TTC34: variants seen among roughly 807,000 people sequenced by gnomAD.
TTC34 encodes the protein tetratricopeptide repeat domain 34, also known as tetratricopeptide repeat protein 34.
Under a neutral mutation model 40.7 loss-of-function variants are expected in TTC34, and 44 were observed. The ratio of observed to expected loss-of-function variants is 1.08; its 90% CI spans 0.85 to 1.39. TTC34 has a LOEUF of 1.39. Ranked by LOEUF, TTC34 falls within the 40% of genes most tolerant of loss-of-function variation. TTC34 has a pLI of 0.00. For synonymous variants in TTC34, 422 were observed against 398.6 expected, an observed-to-expected ratio of 1.06 and a Z score of -0.70; for missense variants, 884 against 838.0, an observed-to-expected ratio of 1.05 and a Z score of -0.68.
At chr1:2,684,592 C>T (rs1451880619) in intron 6 of TTC34, among the ~76,000 whole-genome samples, 2 of 136,504 alleles carry the variant, frequency 1.5e-5, no homozygotes, top group Non-Finnish European at 3.1e-5. Flanking sequence ...GAGCAACACC[C>T]ATACCCCCAG....
intron 6 of TTC34, among the ~76,000 whole-genome samples, chr1:2,656,185 G>T (rs1446275402): frequency 4.0e-5 from 6 of 150,870 alleles, no homozygotes. Flanking sequence ...GCCCAGGTGA[G>T]CCTCTGACAG....
In TTC34 at chr1:2,750,926, C is replaced by A. The variant is rs1351018775; in HGVS notation, c.2226+32683G>T. 3.0e-5 allele frequency among the ~76,000 whole-genome samples: 3 copies of A among 101,446 alleles called. 1 individual carries two copies. The highest frequency in any genetic ancestry group is 9.4e-5 in the African/African-American group (2 of 21,238). 66.6% of individuals were successfully genotyped at this position (101,446 alleles called of 152,430 possible). A position where few individuals can be genotyped will look rare whatever the true frequency, so the allele number is the denominator to read the frequency against. ...CTGAACGCACGGAGCAGCACCCACACCTTCAGGCGAGCATCGGACAGCCTG... is the reference window on the plus strand; with the variant it reads ...CTGAACGCACGGAGCAGCACCCACAACTTCAGGCGAGCATCGGACAGCCTG... On this transcript the variant is annotated intron_variant, in intron 6 of 8. Coordinates refer to ENST00000401095, the Ensembl canonical transcript of TTC34.
rs2377041 is a variant in TTC34 at position 2,796,762 on chromosome 1, C to T, written c.784+3282G>A. ...GGTCCCCTCCTTCCTCAGAAGCTCA[C>T]GATTCGGTGTGACTTTGTTGATCAT... On this transcript the variant is annotated intron_variant, in intron 2 of 8. Coordinates refer to ENST00000401095, the Ensembl canonical transcript of TTC34. This position sits in a 1 kb window ranked among gnomAD's most constrained non-coding sequence, Gnocchi z 4.5. 0.36 allele frequency among the ~76,000 whole-genome samples: 54,301 copies of T among 152,008 alleles called. 10,608 individuals are homozygous for T. Among genetic ancestry groups the T allele is most frequent in the Non-Finnish European group, 0.44 (29,945 of 67,964 alleles).
At chr1:2,788,065 C>T (rs534888735) in intron 3 of TTC34, among the ~76,000 whole-genome samples, 1 of 152,370 alleles carries the variant, frequency 6.6e-6, no homozygotes, top group South Asian at 2.1e-4. Context: ...CAAGAAAACA[C>T]ATGGCTGCAC....
chr1:2,645,156 T>C lies in TTC34; in HGVS notation c.2497+137A>G, dbSNP rs750119903. 14 of 1,050,230 alleles carry C rather than the reference T, an allele frequency of 1.3e-5. No individual in the cohort carries two copies. The highest frequency in any genetic ancestry group is 1.8e-5 in the Non-Finnish European group (14 of 786,500). 65.1% of individuals were successfully genotyped at this position (1,050,230 alleles called of 1,614,324 possible). On this transcript the variant is annotated intron_variant, in intron 7 of 8. Coordinates refer to ENST00000401095, the Ensembl canonical transcript of TTC34. This position sits in a 1 kb window ranked among gnomAD's most constrained non-coding sequence, Gnocchi z 4.7. The stretch of plus-strand genomic sequence containing the variant: ...GGGAGCAGGGCCAGAGGTCATGGGA[T>C]TTGGGGTGGAAGGGACCTTGGAAGC...
At chr1:2,785,674 C>T (rs1188512008) in intron 5 of TTC34, 145 bp downstream of exon 5, 2 of 906,640 alleles carry the variant, frequency 2.2e-6, no homozygotes, top group Non-Finnish European at 3.2e-6. Context: ...GCGAGTGGCC[C>T]TTGCCCTGTC....
At chr1:2,749,063 C>T (rs1382575595) in intron 6 of TTC34, among the ~76,000 whole-genome samples, 124 of 134,700 alleles carry the variant, frequency 9.2e-4, no homozygotes, top group African/African-American at 3.0e-3. Flanking sequence ...AATCCGACAG[C>T]CTGGAGCAGC....
At chr1:2,664,960 A>C (rs147299058) in intron 6 of TTC34, among the ~76,000 whole-genome samples, 10 of 10 alleles carry the variant, frequency 1, 5 homozygotes, top group Non-Finnish European at 1. Flanking sequence ...TGGAGCAGCA[A>C]CCACACTCCC....
At position 2,786,515 on chromosome 1, in the gene TTC34, G is replaced by T. The variant is rs191468056; in HGVS notation, c.1855-492C>A. Among the ~76,000 whole-genome samples the T allele has an allele frequency of 7.9e-5, 12 of 152,338 alleles. No individual in the cohort carries two copies. In the East Asian group the frequency reaches 1.9e-3, roughly 25 times the overall value. Reference sequence around the variant, plus strand: ...GCTGCAGTCTGAGCCGCATCTGTCTGCTGATGGCATTGGTGGGCTGGGACT... The same window carrying T: ...GCTGCAGTCTGAGCCGCATCTGTCTTCTGATGGCATTGGTGGGCTGGGACT... On this transcript the variant is annotated intron_variant, in intron 4 of 8. Transcript: ENST00000401095.
chr1:2,755,196 T>C (rs1317754236), intron 6 of TTC34, among the ~76,000 whole-genome samples: 6 of 44,020 alleles, frequency 1.4e-4, no homozygotes, highest in Non-Finnish European at 1.8e-4. Context: ...GGCGAGCATC[T>C]GACAGCCTGG....
intron 6 of TTC34, among the ~76,000 whole-genome samples, chr1:2,695,657 C>T (rs1163203730): frequency 1.0e-5 from 1 of 99,594 alleles, no homozygotes; most frequent in Non-Finnish European, 2.1e-5. Flanking sequence ...CATCTGACCG[C>T]CTGGAACAGC....
intron 6 of TTC34, among the ~76,000 whole-genome samples, chr1:2,751,437 GAGCC>G (rs1641315822): frequency 1.1e-5 from 1 of 91,490 alleles, no homozygotes; most frequent in African/African-American, 5.1e-5. Flanking sequence ...GCCTGGAACA[GAGCC>G]CAGACCCCCA....
chr1:2,651,886 T>G (rs994334767), intron 6 of TTC34, among the ~76,000 whole-genome samples: 1 of 151,564 alleles, frequency 6.6e-6, no homozygotes, highest in Non-Finnish European at 1.5e-5. Flanking sequence ...ACTCACGATT[T>G]TGGGTGAGCA....
At chr1:2,656,413 C>A (rs1233066383) in intron 6 of TTC34, among the ~76,000 whole-genome samples, 2 of 36,014 alleles carry the variant, frequency 5.6e-5, no homozygotes, top group Non-Finnish European at 9.7e-5. Context: ...ACAGCACCCA[C>A]ACCCCCAGGT....
At position 2,792,033 on chromosome 1, in the gene TTC34, T is replaced by TTTTTTTTTTTTTTTTTA. The variant is rs1553171534; in HGVS notation, c.785-1688_785-1687insTAAAAAAAAAAAAAAAA. Among the ~76,000 whole-genome samples the TTTTTTTTTTTTTTTTTA allele has an allele frequency of 3.2e-4, 34 of 107,158 alleles. 5 individuals carry two copies. The highest frequency in any genetic ancestry group is 2.9e-3 in the East Asian group (10 of 3,476). The allele number at this position is 107,158 out of a possible 152,430, so 70.3% of individuals were successfully genotyped here. On this transcript the variant is annotated intron_variant, in intron 2 of 8. Transcript: ENST00000401095. ...TTTTTTTTTTTTTTTTTTTTTTTTT[T>TTTTTTTTTTTTTTTTTA]AAAGACAGGGTCTTGCTCCATCACC...
chr1:2,753,310 C>G (rs1294414919), intron 6 of TTC34, among the ~76,000 whole-genome samples: 187 of 111,790 alleles, frequency 1.7e-3, no homozygotes, highest in African/African-American at 2.4e-3. Flanking sequence ...AGGTGAGCAT[C>G]CGACAGCCTG....
Position 2,675,167 on chromosome 1 carries a change from G to T in TTC34, c.2227-29604C>A, listed in dbSNP as rs1356563095. Among the ~76,000 whole-genome samples the T allele has an allele frequency of 1.1e-3, 154 of 140,446 alleles. 1 individual carries two copies. Among genetic ancestry groups the T allele is most frequent in the African/African-American group, 2.1e-3 (80 of 38,010 alleles). The allele number at this position is 140,446 out of a possible 152,430, so 92.1% of individuals were successfully genotyped here. On this transcript the variant is annotated intron_variant, in intron 6 of 8. Transcript: ENST00000401095. The stretch of plus-strand genomic sequence containing the variant: ...CCCGTAGCAGCACCCACACCCCCAG[G>T]GGAGCATCTGACATCCTGGAGCAGC...
At chr1:2,750,993 A>G (rs1380565500) in intron 6 of TTC34, among the ~76,000 whole-genome samples, 1 of 113,562 alleles carries the variant, frequency 8.8e-6, no homozygotes, top group Admixed American at 9.1e-5. Context: ...GATGGTCTGG[A>G]GCAGCACCCA....
chr1:2,762,084 C>T (rs1399965223), intron 6 of TTC34, among the ~76,000 whole-genome samples: 1 of 62,398 alleles, frequency 1.6e-5, no homozygotes, highest in Admixed American at 1.5e-4. Context: ...TGGAGCAGCA[C>T]ACACAACCCC....
Sources: allele counts gnomAD v4.1 joint callset (sites outside exome capture counted in the v4.1 genomes callset), GRCh38; gene constraint gnomAD v4.1.1; non-coding constraint Gnocchi (gnomAD v3.1); transcripts MANE v1.5; gene names NCBI Gene and HGNC (gene_info 2026-07-23, HGNC 2026-07-21).